KIAA1217: variants seen among roughly 807,000 people sequenced by gnomAD.
KIAA1217 encodes the protein sickle tail protein homolog.
A neutral mutation model predicts 163.9 loss-of-function variants in KIAA1217; 88 were observed. The observed-to-expected ratio is 0.54, with a 90% CI of 0.45 to 0.64. KIAA1217 has a LOEUF of 0.64. Ranked by LOEUF, KIAA1217 falls within the 30% of genes least tolerant of loss-of-function variation. KIAA1217 has a pLI of 0.00. For synonymous variants in KIAA1217, 903 were observed against 923.1 expected (o/e 0.98, Z 0.39); for missense variants, 2,372 against 2,475.0 (o/e 0.96, Z 0.88).
At chr10:24,400,125 A>T (rs1349594693) in intron 3 of KIAA1217, among the ~76,000 whole-genome samples, 1 of 152,228 alleles carries the variant, frequency 6.6e-6, no homozygotes, top group African/African-American at 2.4e-5. Flanking sequence ...TAGAACTCTA[A>T]TCACATCCCA....
chr10:24,350,358 G>GT (rs1399848994), intron 2 of KIAA1217, among the ~76,000 whole-genome samples: 1 of 152,206 alleles, frequency 6.6e-6, no homozygotes, highest in Admixed American at 6.5e-5. Flanking sequence ...AGGGGAGGCA[G>GT]TCTGGTTTAG....
At chr10:24,520,691 A>C (rs779651001) in intron 11 of KIAA1217, among the ~76,000 whole-genome samples, 32,183 of 122,760 alleles carry the variant, frequency 0.26, 5,019 homozygotes, top group Middle Eastern at 0.39. Flanking sequence ...CACACACAAA[A>C]AAAAATTAGC....
intron 2 of KIAA1217, among the ~76,000 whole-genome samples, chr10:24,090,248 C>G (rs1436681764): frequency 6.9e-6 from 1 of 144,094 alleles, no homozygotes; most frequent in Admixed American, 7.0e-5. Flanking sequence ...CTCACTGCAG[C>G]CTTGAACTCC....
intron 1 of KIAA1217, among the ~76,000 whole-genome samples, chr10:23,799,749 T>C (rs1467464819): frequency 6.6e-6 from 1 of 152,208 alleles, no homozygotes; most frequent in East Asian, 1.9e-4. Context: ...AGAAATTCTA[T>C]TCTGTTCTAT....
intron 12 of KIAA1217, 63 bp from the exon 13 acceptor site, chr10:24,524,260 G>T: frequency 6.5e-7 from 1 of 1,529,120 alleles, no homozygotes. Context: ...GACATAGCCT[G>T]CAAGTATACC....
intron 1 of KIAA1217, among the ~76,000 whole-genome samples, chr10:23,803,339 T>A (rs1836565936): frequency 6.6e-6 from 1 of 152,306 alleles, no homozygotes; most frequent in East Asian, 1.9e-4. Flanking sequence ...ACTGAGTCCA[T>A]CCCTGAGCAT....
rs1460407895 is a variant in KIAA1217 at position 24,473,232 on chromosome 10, A to C, written c.851A>C (p.Gln284Pro). The C allele has an allele frequency of 6.6e-7, 1 of 1,511,366 alleles. No homozygotes were observed. Among genetic ancestry groups the C allele is most frequent in the Admixed American group, 2.3e-5 (1 of 43,942 alleles). 93.6% of individuals were successfully genotyped at this position (1,511,366 alleles called of 1,614,324 possible). Residue 284 changes from glutamine to proline, a missense_variant, in exon 6 of 21, where the codon CAG becomes CCG. Transcript: ENST00000376454. Reference protein sequence around the residue: ...PKTMNGDMRMQRELVYARGDG... With the variant: ...PKTMNGDMRMPRELVYARGDG... ...GATCCCTTGTTTTCTTTTCAGATGC[A>C]GAGAGAACTTGTTTATGCAAGAGGA...
At chr10:23,960,416 C>T (rs1844773341) in intron 1 of KIAA1217, among the ~76,000 whole-genome samples, 1 of 152,156 alleles carries the variant, frequency 6.6e-6, no homozygotes, top group African/African-American at 2.4e-5. Flanking sequence ...TGCCACCACA[C>T]CTGGCTAATT....
At chr10:23,750,565 G>A (rs1419089682) in intron 1 of KIAA1217, among the ~76,000 whole-genome samples, 1 of 151,994 alleles carries the variant, frequency 6.6e-6, no homozygotes, top group Non-Finnish European at 1.5e-5. Flanking sequence ...CATTATTATT[G>A]CATGTTGTAT....
intron 2 of KIAA1217, among the ~76,000 whole-genome samples, chr10:24,080,614 G>T (rs1482792847): frequency 6.6e-6 from 1 of 152,096 alleles, no homozygotes; most frequent in Non-Finnish European, 1.5e-5. Flanking sequence ...GATTCAAAAA[G>T]AAGCAACATT....
intron 1 of KIAA1217, among the ~76,000 whole-genome samples, chr10:23,902,594 A>T (rs979007035): frequency 6.6e-6 from 1 of 152,152 alleles, no homozygotes; most frequent in African/African-American, 2.4e-5. Context: ...GCAGTACTTT[A>T]GTCACAGCAT....
chr10:23,730,967 T>A (rs1838441684), intron 1 of KIAA1217, among the ~76,000 whole-genome samples: 1 of 152,240 alleles, frequency 6.6e-6, no homozygotes, highest in Non-Finnish European at 1.5e-5. Context: ...TTCTTTCCAA[T>A]CTGTCTACCT....
At chr10:24,509,080 A>G (rs985768758) in intron 9 of KIAA1217, among the ~76,000 whole-genome samples, 1 of 152,242 alleles carries the variant, frequency 6.6e-6, no homozygotes, top group African/African-American at 2.4e-5. Context: ...TTAACTATTG[A>G]AATGTAGGTA....
intron 2 of KIAA1217, among the ~76,000 whole-genome samples, chr10:24,139,513 T>C (rs866050959): frequency 6.6e-6 from 1 of 152,158 alleles, no homozygotes; most frequent in Non-Finnish European, 1.5e-5. Context: ...TTTGCCTGCT[T>C]CATTCTTACT....
chr10:23,797,068 C>G (rs1277174747), intron 1 of KIAA1217, among the ~76,000 whole-genome samples: 1 of 152,128 alleles, frequency 6.6e-6, no homozygotes, highest in East Asian at 1.9e-4. Context: ...GTTGCTCAGG[C>G]TAGTCTCAAA....
chr10:24,518,183 G>A (rs2070500805), intron 10 of KIAA1217, among the ~76,000 whole-genome samples: 1 of 152,154 alleles, frequency 6.6e-6, no homozygotes, highest in South Asian at 2.1e-4. Context: ...ATGAATATCT[G>A]ACATTCTGTG....
intron 2 of KIAA1217, among the ~76,000 whole-genome samples, chr10:24,193,856 C>T (rs1438426746): frequency 1.3e-5 from 2 of 149,178 alleles, no homozygotes; most frequent in Non-Finnish European, 3.0e-5. Context: ...AAAGCAGTCA[C>T]GTGCATGTTC....
intron 2 of KIAA1217, among the ~76,000 whole-genome samples, chr10:24,195,970 A>AT (rs35800775): frequency 0.047 from 7,161 of 151,374 alleles, 554 homozygotes; most frequent in African/African-American, 0.16. Context: ...GTCTACAGAA[A>AT]TTTTTTTTTA....
intron 1 of KIAA1217, among the ~76,000 whole-genome samples, chr10:23,748,746 G>C (rs1310551102): frequency 1.3e-5 from 2 of 151,944 alleles, no homozygotes; most frequent in Non-Finnish European, 2.9e-5. Context: ...CTTATCCACG[G>C]TCCTGTGAGG....
Sources: allele counts gnomAD v4.1 joint callset (sites outside exome capture counted in the v4.1 genomes callset), GRCh38; gene constraint gnomAD v4.1.1; transcripts MANE v1.5; gene names NCBI Gene and HGNC (gene_info 2026-07-23, HGNC 2026-07-21).